Variants in TAFA2 observed in about 807,000 individuals in gnomAD.
TAFA2 encodes TAFA chemokine like family member 2.
TAFA2 carries 7 observed loss-of-function variants against 18.8 expected under a neutral mutation model. The ratio of observed to expected loss-of-function variants is 0.37; its 90% CI spans 0.21 to 0.70. TAFA2 has a LOEUF of 0.70. Ranked by LOEUF, TAFA2 falls within the 30% of genes least tolerant of loss-of-function variation. TAFA2 has a pLI of 0.53. For synonymous variants in TAFA2, 60 were observed against 54.2 expected (o/e 1.11, Z -0.47); for missense variants, 122 against 158.1 (o/e 0.77, Z 1.23).
chr12:61,922,376 T>C (rs577907949), intron 1 of TAFA2, among the ~76,000 whole-genome samples: 1 of 151,980 alleles, frequency 6.6e-6, no homozygotes, highest in East Asian at 1.9e-4. Flanking sequence ...AGGTGGGTGA[T>C]TTCTGCATTT....
chr12:61,869,412 G>A (rs750338698), intron 1 of TAFA2, among the ~76,000 whole-genome samples: 9 of 152,104 alleles, frequency 5.9e-5, no homozygotes, highest in African/African-American at 9.7e-5. Flanking sequence ...CTCAATAAAC[G>A]CTAGCCATTA....
At chr12:61,750,540 A>G (rs528014329) in intron 4 of TAFA2, among the ~76,000 whole-genome samples, 28 of 152,258 alleles carry the variant, frequency 1.8e-4, no homozygotes, top group Admixed American at 1.4e-3. Flanking sequence ...AAAACAGAAG[A>G]AGAGTATAAT....
intron 1 of TAFA2, among the ~76,000 whole-genome samples, chr12:62,075,271 A>G (rs74870286): frequency 0.024 from 3,641 of 152,282 alleles, 147 homozygotes; most frequent in African/African-American, 0.082. Context: ...AGCAGTGTCC[A>G]TCATGGTGGA....
chr12:61,889,849 G>C (rs769283588), intron 1 of TAFA2, among the ~76,000 whole-genome samples: 1 of 152,050 alleles, frequency 6.6e-6, no homozygotes, highest in Non-Finnish European at 1.5e-5. Context: ...TCTATGCATT[G>C]GACTGCCTAC....
chr12:62,081,109 A>G (rs1040778138), intron 1 of TAFA2, among the ~76,000 whole-genome samples: 8 of 152,158 alleles, frequency 5.3e-5, no homozygotes, highest in African/African-American at 7.2e-5. Flanking sequence ...GCAGGAGAAC[A>G]GCGTGAACCC....
intron 2 of TAFA2, among the ~76,000 whole-genome samples, chr12:61,793,702 T>C (rs1405902861): frequency 6.6e-6 from 1 of 151,842 alleles, no homozygotes; most frequent in African/African-American, 2.4e-5. Context: ...TGAAAACCCT[T>C]TCAAAAAACT....
In TAFA2 at chr12:62,128,123, T is replaced by A. The variant is rs769451933; in HGVS notation, c.-2+63136A>T. On this transcript the variant is annotated intron_variant, in intron 1 of 4. Coordinates refer to ENST00000416284, the MANE Select transcript of TAFA2 (RefSeq NM_178539.5). ...TTAAGGTGCCTGAGTAAAATTCTTT[T>A]ACTTCTATCTCAGCAGTTTGTTCAG... is the stretch of plus-strand genomic sequence containing the variant. Among the ~76,000 whole-genome samples the A allele has an allele frequency of 1.4e-4, 22 of 152,190 alleles. 1 individual carries two copies. Among genetic ancestry groups the A allele is most frequent in the Middle Eastern group, 6.8e-3 (2 of 294 alleles).
intron 2 of TAFA2, among the ~76,000 whole-genome samples, chr12:61,820,092 G>T (rs1409200342): frequency 1.3e-5 from 2 of 151,968 alleles, no homozygotes; most frequent in Non-Finnish European, 2.9e-5. Flanking sequence ...AATTCTTAAA[G>T]AAAACTGCAT....
chr12:62,238,929 A>G (rs2062849773), intron 1 of TAFA2, among the ~76,000 whole-genome samples: 1 of 152,224 alleles, frequency 6.6e-6, no homozygotes, highest in East Asian at 1.9e-4. Flanking sequence ...GCCAATTATA[A>G]TCCATCTTTG....
intron 1 of TAFA2, among the ~76,000 whole-genome samples, chr12:62,204,237 T>C (rs2136969386): frequency 6.6e-6 from 1 of 152,284 alleles, no homozygotes; most frequent in South Asian, 2.1e-4. Flanking sequence ...CCTTTGTAGG[T>C]GACCTGGCCT....
At chr12:62,250,666 T>G (rs2062908914) in intron 1 of TAFA2, among the ~76,000 whole-genome samples, 1 of 152,202 alleles carries the variant, frequency 6.6e-6, no homozygotes. Context: ...TGTTGGGTTT[T>G]GGCCATTCTC....
intron 2 of TAFA2, among the ~76,000 whole-genome samples, chr12:61,851,615 T>C (rs12819584): frequency 6.0e-5 from 9 of 149,726 alleles, no homozygotes; most frequent in Non-Finnish European, 1.2e-4. Context: ...CTCTACTAAA[T>C]ATATAAAAAA....
intron 1 of TAFA2, among the ~76,000 whole-genome samples, chr12:62,068,983 A>G (rs1047466490): frequency 6.6e-6 from 1 of 152,136 alleles, no homozygotes; most frequent in Non-Finnish European, 1.5e-5. Flanking sequence ...CATGTTCTTA[A>G]AGTTTCCTGT....
chr12:62,256,487 G>A (rs76262871), intron 1 of TAFA2, among the ~76,000 whole-genome samples: 3,345 of 152,108 alleles, frequency 0.022, 123 homozygotes, highest in African/African-American at 0.075. Context: ...TACATTAGCT[G>A]TATCTAACCC....
intron 1 of TAFA2, chr12:62,104,603 G>C: frequency 2.5e-6 from 1 of 397,078 alleles, no homozygotes. Flanking sequence ...AGATTCCAGA[G>C]AATGAAAGAA....
At chr12:61,880,777 C>T (rs1266312376) in intron 1 of TAFA2, 8 of 357,884 alleles carry the variant, frequency 2.2e-5, no homozygotes, top group African/African-American at 4.2e-5. Flanking sequence ...GAGTGAACTG[C>T]CATGGCAGCC....
At chr12:62,141,686 T>C (rs1375897711) in intron 1 of TAFA2, among the ~76,000 whole-genome samples, 1 of 152,188 alleles carries the variant, frequency 6.6e-6, no homozygotes, top group African/African-American at 2.4e-5. Context: ...TCCTAAACTG[T>C]AAACACTAAG....
At chr12:61,987,632 C>T (rs10784277) in intron 1 of TAFA2, among the ~76,000 whole-genome samples, 85,108 of 152,028 alleles carry the variant, frequency 0.56, 24,838 homozygotes, top group Non-Finnish European at 0.63. Context: ...ATTGTACTTC[C>T]GAGAACACAA....
At chr12:62,108,163 G>A (rs933847094) in intron 1 of TAFA2, among the ~76,000 whole-genome samples, 4 of 151,588 alleles carry the variant, frequency 2.6e-5, no homozygotes, top group Non-Finnish European at 5.9e-5. Flanking sequence ...ACAGGCCCCA[G>A]TGTGTGATGT....
Sources: allele counts gnomAD v4.1 joint callset (sites outside exome capture counted in the v4.1 genomes callset), GRCh38; gene constraint gnomAD v4.1.1; transcripts MANE v1.5; gene names NCBI Gene and HGNC (gene_info 2026-07-23, HGNC 2026-07-21).